Variants in DNAJC3 observed in about 807,000 individuals in gnomAD.
DNAJC3 encodes DnaJ heat shock protein family (Hsp40) member C3.
In DNAJC3, 38 loss-of-function variants were observed where a neutral mutation model predicts 68.6. That is an observed-to-expected ratio of 0.55 (90% CI 0.43 to 0.73). The LOEUF (loss-of-function observed/expected upper bound fraction) is 0.73. Ranked by LOEUF, DNAJC3 falls within the 30% of genes least tolerant of loss-of-function variation. The pLI, the probability that DNAJC3 is intolerant of heterozygous loss-of-function variation, is 0.00. For synonymous variants in DNAJC3, 203 were observed against 204.0 expected (o/e 1.00, Z 0.04); for missense variants, 526 against 591.9 (o/e 0.89, Z 1.16).
rs944190590 is a variant in DNAJC3 at position 95,727,665 on chromosome 13, G to A, written c.393+2413G>A. On this transcript the variant is annotated intron_variant, in intron 4 of 11. Coordinates refer to ENST00000602402, the MANE Select transcript of DNAJC3 (RefSeq NM_006260.5). ...TGTTTTTGTACCTATGAATTTATCC[G>A]TAGTGTAAAACTATAGCACTGTATC... Among the ~76,000 whole-genome samples the A allele has an allele frequency of 2.0e-5, 3 of 152,070 alleles. No homozygotes were observed. In the South Asian group the frequency reaches 6.2e-4, roughly 31 times the overall value.
intron 9 of DNAJC3, among the ~76,000 whole-genome samples, chr13:95,774,299 T>C (rs1883242079): frequency 6.6e-6 from 1 of 152,192 alleles, no homozygotes; most frequent in South Asian, 2.1e-4. Flanking sequence ...CTTTGATGCA[T>C]GGATTATGTA....
At chr13:95,755,867 C>G (rs1443777031) in intron 4 of DNAJC3, among the ~76,000 whole-genome samples, 1 of 151,530 alleles carries the variant, frequency 6.6e-6, no homozygotes. Flanking sequence ...GGAAGCCCCT[C>G]GTTTCTCCAA....
In DNAJC3 at chr13:95,790,974, G is replaced by A. The variant is rs769227657; in HGVS notation, c.1459G>A (p.Gly487Arg). 6.2e-7 allele frequency: 1 copy of A among 1,612,886 alleles called. No homozygotes were observed. Among genetic ancestry groups the A allele is most frequent in the African/African-American group, 1.3e-5 (1 of 74,786 alleles). The change falls in exon 12 of 12, where the codon GGG becomes AGG. Residue 487 changes from glycine to arginine, a missense_variant. Transcript: ENST00000602402. Reference sequence around the variant, plus strand: ...CCACAGAAGCTGGAACTCATGGCAAGGGTTCAATCCCTTCAGCTCAGGCGG... The same window carrying A: ...CCACAGAAGCTGGAACTCATGGCAAAGGTTCAATCCCTTCAGCTCAGGCGG... The part of the protein sequence containing the change: ...PFHRSWNSWQ[G>R]FNPFSSGGPF...
chr13:95,716,452 G>T (rs1881149306), intron 2 of DNAJC3, among the ~76,000 whole-genome samples: 1 of 152,222 alleles, frequency 6.6e-6, no homozygotes, highest in African/African-American at 2.4e-5. Flanking sequence ...GTGTTAGTCA[G>T]CTCAGTAGAC....
At chr13:95,688,925 T>TGGGGGG (rs140263730) in intron 1 of DNAJC3, among the ~76,000 whole-genome samples, 2 of 112,994 alleles carry the variant, frequency 1.8e-5, no homozygotes, top group African/African-American at 6.8e-5. Flanking sequence ...TTTGATTGTG[T>TGGGGGG]GGGTGTGTGT....
At chr13:95,734,501 T>C (rs1881824522) in intron 4 of DNAJC3, among the ~76,000 whole-genome samples, 1 of 152,214 alleles carries the variant, frequency 6.6e-6, no homozygotes, top group African/African-American at 2.4e-5. Context: ...CATGGAGAAG[T>C]CCTTTTTGAA....
intron 4 of DNAJC3, among the ~76,000 whole-genome samples, chr13:95,751,962 C>A (rs1046237755): frequency 6.6e-6 from 1 of 152,138 alleles, no homozygotes; most frequent in Non-Finnish European, 1.5e-5. Flanking sequence ...GGGAGGGACC[C>A]ACTCCCGTGA....
intron 1 of DNAJC3, among the ~76,000 whole-genome samples, chr13:95,701,253 A>G (rs1182672923): frequency 6.6e-6 from 1 of 152,212 alleles, no homozygotes; most frequent in Non-Finnish European, 1.5e-5. Context: ...GGAGCCCACA[A>G]TATGCTACTG....
chr13:95,722,839 C>G (rs1385426275), intron 2 of DNAJC3, among the ~76,000 whole-genome samples: 6 of 35,264 alleles, frequency 1.7e-4, no homozygotes, highest in Middle Eastern at 9.6e-3. Context: ...CCCCCCCCCC[C>G]GCCGAAAAAG....
chr13:95,755,498 C>T (rs1882627401), intron 4 of DNAJC3, among the ~76,000 whole-genome samples: 1 of 151,892 alleles, frequency 6.6e-6, no homozygotes, highest in African/African-American at 2.4e-5. Context: ...GTGGCTCACG[C>T]CTGTAATCCC....
intron 1 of DNAJC3, among the ~76,000 whole-genome samples, chr13:95,705,638 C>T (rs1205499740): frequency 1.3e-5 from 2 of 151,890 alleles, no homozygotes; most frequent in African/African-American, 2.4e-5. Context: ...AAGGATCCTT[C>T]CTCCTGCCTC....
intron 11 of DNAJC3, among the ~76,000 whole-genome samples, chr13:95,788,614 A>T (rs557715126): frequency 9.8e-5 from 15 of 152,294 alleles, no homozygotes; most frequent in African/African-American, 3.6e-4. Flanking sequence ...TCTTGGCTAT[A>T]GTTTTTTCTC....
At chr13:95,732,375 TTTCAGCCTTGGTAGG>T (rs1881742495) in intron 4 of DNAJC3, among the ~76,000 whole-genome samples, 1 of 152,202 alleles carries the variant, frequency 6.6e-6, no homozygotes. Context: ...AGGTTTTCTG[TTTCAGCCTTGGTAGG>T]TTCAGCCTTG....
chr13:95,711,924 G>C (rs1032078964), intron 2 of DNAJC3, among the ~76,000 whole-genome samples: 4 of 152,142 alleles, frequency 2.6e-5, no homozygotes, highest in African/African-American at 9.7e-5. Flanking sequence ...TTATAGGAAA[G>C]TCTCATGAAC....
intron 11 of DNAJC3, among the ~76,000 whole-genome samples, chr13:95,789,843 T>C (rs1481643415): frequency 6.6e-6 from 1 of 152,222 alleles, no homozygotes; most frequent in East Asian, 1.9e-4. Context: ...CCATTTTTTA[T>C]TTGCAATAAT....
intron 11 of DNAJC3, among the ~76,000 whole-genome samples, chr13:95,790,475 C>T (rs898717824): frequency 2.0e-5 from 3 of 152,174 alleles, no homozygotes; most frequent in African/African-American, 7.2e-5. Flanking sequence ...AGGTCATTGC[C>T]TTACAGACTT....
chr13:95,778,090 C>T lies in DNAJC3; in HGVS notation c.1076-7849C>T, dbSNP rs543017237. Reference sequence around the variant, plus strand: ...GGAAGACATAATATTGTGAAGATGGCCATGCTGCCCAGAGTGAGCCACACA... The same window carrying T: ...GGAAGACATAATATTGTGAAGATGGTCATGCTGCCCAGAGTGAGCCACACA... On this transcript the variant is annotated intron_variant, in intron 9 of 11. Coordinates refer to ENST00000602402, the MANE Select transcript of DNAJC3 (RefSeq NM_006260.5). Among the ~76,000 whole-genome samples, 10 of 152,194 alleles carry T rather than the reference C, an allele frequency of 6.6e-5. No homozygotes were observed. In the East Asian group the frequency reaches 1.9e-3, roughly 29 times the overall value.
At chr13:95,738,376 C>T (rs1414847961) in intron 4 of DNAJC3, among the ~76,000 whole-genome samples, 7 of 148,696 alleles carry the variant, frequency 4.7e-5, no homozygotes, top group Admixed American at 4.7e-4. Context: ...CCTGGGTATC[C>T]TTGTTGACTT....
intron 1 of DNAJC3, among the ~76,000 whole-genome samples, chr13:95,683,673 T>C (rs529708806): frequency 1.3e-5 from 2 of 151,954 alleles, no homozygotes; most frequent in South Asian, 4.2e-4. Context: ...ACGCCTGTAA[T>C]CCCAGCACTT....
Sources: gnomAD v4.1 joint callset for allele counts (sites outside exome capture counted in the v4.1 genomes callset) on GRCh38, gnomAD v4.1.1 for gene constraint, MANE v1.5 for transcripts, NCBI Gene and HGNC (gene_info 2026-07-23, HGNC 2026-07-21) for gene names.